The following ADAMTS17 variants were observed in gnomAD, a reference collection of about 807,000 sequenced individuals.
The protein encoded by ADAMTS17 is ADAM metallopeptidase with thrombospondin type 1 motif 17, also known as A disintegrin and metalloproteinase with thrombospondin motifs 17.
ADAMTS17 carries 113 observed loss-of-function variants against 141.5 expected under a neutral mutation model. The ratio of observed to expected loss-of-function variants is 0.80; its 90% CI spans 0.69 to 0.93. The LOEUF (loss-of-function observed/expected upper bound fraction) is 0.93, where lower values mean the gene tolerates loss of function less well. Ranked by LOEUF, ADAMTS17 falls within the 40% of genes least tolerant of loss-of-function variation. The pLI is 0.00. For missense variants in ADAMTS17, 1,659 were observed against 1,517.9 expected (o/e 1.09, Z -1.54); for synonymous variants, 768 against 630.6 (o/e 1.22, Z -3.27).
At chr15:100,325,890 G>A (rs946420581) in intron 3 of ADAMTS17, among the ~76,000 whole-genome samples, 2 of 152,194 alleles carry the variant, frequency 1.3e-5, no homozygotes, top group Admixed American at 1.3e-4. Flanking sequence ...AGAGAAGCCT[G>A]GAACAGATCC....
chr15:100,288,885 C>G (rs2044536376), intron 3 of ADAMTS17, among the ~76,000 whole-genome samples: 1 of 152,036 alleles, frequency 6.6e-6, no homozygotes, highest in African/African-American at 2.4e-5. Context: ...GCCAAATGCT[C>G]TCATCAAAAA....
chr15:100,289,773 C>T (rs1441843268), intron 3 of ADAMTS17, among the ~76,000 whole-genome samples: 14 of 152,170 alleles, frequency 9.2e-5, no homozygotes, highest in Admixed American at 6.5e-4. Flanking sequence ...GCCATATAAT[C>T]ATCTCAATAG....
chr15:100,215,775 C>T lies in ADAMTS17; in HGVS notation c.1076-16352G>A, dbSNP rs118060320. On this transcript the variant is annotated intron_variant, in intron 7 of 21. Coordinates refer to ENST00000268070, the MANE Select transcript of ADAMTS17 (RefSeq NM_139057.4). The stretch of plus-strand genomic sequence containing the variant: ...AGCTGCTAGTGTATTTCCCTTCTCC[C>T]GCTCGAAGACACAAGTATCAAAACA... Among the ~76,000 whole-genome samples the T allele has an allele frequency of 1.7e-4, 26 of 152,160 alleles. 1 individual carries two copies. In the East Asian group the frequency reaches 4.3e-3, roughly 25 times the overall value.
At chr15:100,098,806 G>C (rs566530430) in intron 14 of ADAMTS17, among the ~76,000 whole-genome samples, 1 of 152,198 alleles carries the variant, frequency 6.6e-6, no homozygotes, top group Admixed American at 6.5e-5. Flanking sequence ...TCCAGTGCAT[G>C]GTCTCCAGAC....
chr15:99,986,140 C>G (rs2060580994), intron 20 of ADAMTS17, among the ~76,000 whole-genome samples: 1 of 150,726 alleles, frequency 6.6e-6, no homozygotes, highest in African/African-American at 2.4e-5. Context: ...GCCAGGCAGG[C>G]AGGCCTTGCA....
chr15:100,052,846 T>G (rs1332603498), intron 16 of ADAMTS17, among the ~76,000 whole-genome samples: 3 of 152,200 alleles, frequency 2.0e-5, no homozygotes, highest in Non-Finnish European at 4.4e-5. Context: ...CATGGTTTGG[T>G]TGCACATGAA....
chr15:100,035,671 G>C (rs2030634834), intron 18 of ADAMTS17, among the ~76,000 whole-genome samples: 1 of 152,090 alleles, frequency 6.6e-6, no homozygotes, highest in South Asian at 2.1e-4. Context: ...AGGACAGGCG[G>C]GTCTGCGTGG....
At chr15:100,317,988 C>T (rs368502767) in intron 3 of ADAMTS17, among the ~76,000 whole-genome samples, 9 of 152,038 alleles carry the variant, frequency 5.9e-5, no homozygotes, top group Non-Finnish European at 1.2e-4. Flanking sequence ...AGTAGCGACC[C>T]GAATGCCAGA....
intron 10 of ADAMTS17, among the ~76,000 whole-genome samples, chr15:100,142,012 T>C (rs760465618): frequency 1.9e-4 from 29 of 152,334 alleles, no homozygotes; most frequent in Non-Finnish European, 3.7e-4. Context: ...AGACCTCATT[T>C]AGATGAGCAG....
chr15:100,097,642 C>A (rs570375628), intron 14 of ADAMTS17, among the ~76,000 whole-genome samples: 1 of 152,242 alleles, frequency 6.6e-6, no homozygotes, highest in Non-Finnish European at 1.5e-5. Flanking sequence ...AAGTGTGCAT[C>A]GGCCTCATGG....
chr15:100,055,996 T>G (rs1455432551), intron 15 of ADAMTS17, among the ~76,000 whole-genome samples: 1 of 152,200 alleles, frequency 6.6e-6, no homozygotes, highest in Non-Finnish European at 1.5e-5. Context: ...TCAATTCCCA[T>G]TTCTTTAGCA....
At chr15:100,166,091 T>G (rs1475015773) in intron 8 of ADAMTS17, among the ~76,000 whole-genome samples, 1 of 152,168 alleles carries the variant, frequency 6.6e-6, no homozygotes, top group African/African-American at 2.4e-5. Flanking sequence ...TTTGCCAGGC[T>G]TTTTTTGAAT....
chr15:100,204,782 C>G (rs995275933), intron 7 of ADAMTS17, among the ~76,000 whole-genome samples: 2 of 152,164 alleles, frequency 1.3e-5, no homozygotes, highest in African/African-American at 4.8e-5. Context: ...ATCCTAACCT[C>G]TTACAACAGA....
chr15:100,058,341 C>CT (rs776945682), intron 15 of ADAMTS17, among the ~76,000 whole-genome samples: 7 of 42,108 alleles, frequency 1.7e-4, no homozygotes, highest in East Asian at 3.7e-4. Context: ...TATCCCGGCT[C>CT]TAACACCCCT....
intron 14 of ADAMTS17, among the ~76,000 whole-genome samples, chr15:100,105,959 G>C (rs2036390611): frequency 6.6e-6 from 1 of 152,002 alleles, no homozygotes; most frequent in African/African-American, 2.4e-5. Flanking sequence ...CCAAAGATCT[G>C]GGATTATAGG....
chr15:100,186,092 T>C (rs2040706114), intron 8 of ADAMTS17, among the ~76,000 whole-genome samples: 1 of 152,024 alleles, frequency 6.6e-6, no homozygotes, highest in Non-Finnish European at 1.5e-5. Flanking sequence ...TGCGATTCAG[T>C]GGAGAAGGGA....
chr15:100,152,070 G>A (rs1054409780), intron 10 of ADAMTS17, among the ~76,000 whole-genome samples: 12 of 152,186 alleles, frequency 7.9e-5, no homozygotes, highest in East Asian at 7.7e-4. Context: ...TGTTGGAAGC[G>A]TTAGTACCAA....
intron 20 of ADAMTS17, chr15:99,979,771 CCA>C (rs1178681923): frequency 6.6e-6 from 1 of 152,178 alleles, no homozygotes; most frequent in Non-Finnish European, 1.5e-5. Context: ...TCATAAGGCT[CCA>C]TTTTATAACA....
At chr15:100,300,681 C>T (rs748070622) in intron 3 of ADAMTS17, among the ~76,000 whole-genome samples, 1 of 152,202 alleles carries the variant, frequency 6.6e-6, no homozygotes, top group Non-Finnish European at 1.5e-5. Flanking sequence ...TTTCCTAGAG[C>T]TTCCTGTGGC....
Sources: gnomAD v4.1 joint callset for allele counts (sites outside exome capture counted in the v4.1 genomes callset) on GRCh38, gnomAD v4.1.1 for gene constraint, MANE v1.5 for transcripts, NCBI Gene and HGNC (gene_info 2026-07-23, HGNC 2026-07-21) for gene names.